PRCP: variants seen among roughly 807,000 people sequenced by gnomAD.
PRCP encodes the protein prolylcarboxypeptidase, also known as lysosomal Pro-X carboxypeptidase.
Under a neutral mutation model 54.2 loss-of-function variants are expected in PRCP, and 46 were observed. The ratio of observed to expected loss-of-function variants is 0.85; its 90% CI spans 0.67 to 1.09. The LOEUF (loss-of-function observed/expected upper bound fraction) is 1.09. Among genes scored for constraint, PRCP ranks in the 50% least tolerant of loss-of-function variants. The probability of loss-of-function intolerance (pLI) is 0.00; values close to 1 mark genes in which losing one functional copy is unlikely to be tolerated. For missense variants in PRCP, 613 were observed against 596.8 expected (o/e 1.03, Z -0.28); for synonymous variants, 240 against 212.2 (o/e 1.13, Z -1.14).
At chr11:82,838,661 G>T in intron 7 of PRCP, 87 bp from the exon 8 acceptor site, 1 of 1,351,458 alleles carries the variant, frequency 7.4e-7, no homozygotes, top group Non-Finnish European at 1.0e-6. Flanking sequence ...ATGCTGGTAA[G>T]TAGTGAAGGC....
At chr11:82,856,006 T>C (rs1021792681) in intron 2 of PRCP, among the ~76,000 whole-genome samples, 3 of 152,108 alleles carry the variant, frequency 2.0e-5, no homozygotes, top group South Asian at 2.1e-4. Flanking sequence ...CTACTGGGTA[T>C]ATACCTAAAG....
intron 1 of PRCP, among the ~76,000 whole-genome samples, chr11:82,863,357 A>T (rs1859253011): frequency 6.6e-6 from 1 of 152,166 alleles, no homozygotes; most frequent in Non-Finnish European, 1.5e-5. Context: ...CACTGAACAT[A>T]CCCCCAAATA....
At chr11:82,834,096 T>C (rs904603818) in intron 8 of PRCP, among the ~76,000 whole-genome samples, 3 of 152,180 alleles carry the variant, frequency 2.0e-5, no homozygotes, top group Non-Finnish European at 2.9e-5. Context: ...CCTCCAGCCA[T>C]GTAAGGGTGC....
intron 1 of PRCP, among the ~76,000 whole-genome samples, chr11:82,895,140 T>C (rs193098152): frequency 6.6e-6 from 1 of 152,342 alleles, no homozygotes; most frequent in Non-Finnish European, 1.5e-5. Flanking sequence ...TGTTATGCAC[T>C]GTGCTAAATA....
At chr11:82,865,895 G>C (rs1171330576) in intron 1 of PRCP, among the ~76,000 whole-genome samples, 1 of 152,136 alleles carries the variant, frequency 6.6e-6, no homozygotes, top group Non-Finnish European at 1.5e-5. Flanking sequence ...CCCAAAGAAG[G>C]ACTAAAACAT....
intron 8 of PRCP, chr11:82,836,548 T>G (rs1037595054): frequency 6.5e-6 from 1 of 152,910 alleles, no homozygotes; most frequent in Non-Finnish European, 1.5e-5. Context: ...TTTGGGGAGT[T>G]TTTGTTTGTT....
chr11:82,836,432 A>C (rs1310166753), intron 8 of PRCP: 1 of 153,576 alleles, frequency 6.5e-6, no homozygotes, highest in East Asian at 1.9e-4. Context: ...GTAGGAACCA[A>C]GAAAACTCCT....
At chr11:82,865,903 C>T (rs188444947) in intron 1 of PRCP, among the ~76,000 whole-genome samples, 318 of 152,152 alleles carry the variant, frequency 2.1e-3, no homozygotes, top group African/African-American at 7.3e-3. Context: ...AGGACTAAAA[C>T]ATGGAAGGAA....
At chr11:82,884,759 C>T in intron 1 of PRCP, 2 of 1,603,784 alleles carry the variant, frequency 1.2e-6, no homozygotes, top group South Asian at 2.2e-5. Flanking sequence ...TTATTAGCTA[C>T]TTAACCAAGT....
intron 6 of PRCP, among the ~76,000 whole-genome samples, chr11:82,843,995 A>G (rs1329377184): frequency 6.6e-6 from 1 of 151,832 alleles, no homozygotes; most frequent in African/African-American, 2.4e-5. Flanking sequence ...GTGGGAAAAA[A>G]AAAAAAAAAA....
chr11:82,834,348 C>T (rs1858465666), intron 8 of PRCP, among the ~76,000 whole-genome samples: 1 of 152,304 alleles, frequency 6.6e-6, no homozygotes, highest in Non-Finnish European at 1.5e-5. Context: ...ATTTCAAATA[C>T]CATAAATTTG....
chr11:82,853,139 GA>G (rs1858997650), intron 3 of PRCP, 37 bp downstream of exon 3: 1 of 1,471,496 alleles, frequency 6.8e-7, no homozygotes, highest in Non-Finnish European at 9.3e-7. Flanking sequence ...AAATTGAAAA[GA>G]AAAAGCTTGT....
chr11:82,873,241 C>T (rs1203345866), intron 1 of PRCP, among the ~76,000 whole-genome samples: 1 of 151,868 alleles, frequency 6.6e-6, no homozygotes, highest in African/African-American at 2.4e-5. Flanking sequence ...CATAATACAC[C>T]CCAGAAAGAT....
chr11:82,897,995 A>T (rs1860156853), intron 1 of PRCP, among the ~76,000 whole-genome samples: 2 of 152,384 alleles, frequency 1.3e-5, no homozygotes, highest in Admixed American at 1.3e-4. Flanking sequence ...TATTACTAGA[A>T]GGCATCAAAG....
At chr11:82,882,514 G>C (rs1404333802) in intron 1 of PRCP, among the ~76,000 whole-genome samples, 1 of 54,768 alleles carries the variant, frequency 1.8e-5, no homozygotes, top group East Asian at 4.8e-4. Context: ...TTTTTTTTTT[G>C]AGACGGAGTC....
intron 1 of PRCP, among the ~76,000 whole-genome samples, chr11:82,866,938 T>C (rs1408418464): frequency 6.6e-6 from 1 of 152,034 alleles, no homozygotes; most frequent in Non-Finnish European, 1.5e-5. Context: ...GCCAGGCTGG[T>C]CTCAAACTCC....
At chr11:82,884,637 G>T (rs953841111) in intron 1 of PRCP, among the ~76,000 whole-genome samples, 19 of 152,016 alleles carry the variant, frequency 1.2e-4, no homozygotes, top group African/African-American at 4.6e-4. Context: ...CTGTACCAAG[G>T]CACCTTTTAA....
At chr11:82,833,248 C>T (rs1858432126) in intron 8 of PRCP, among the ~76,000 whole-genome samples, 1 of 152,174 alleles carries the variant, frequency 6.6e-6, no homozygotes, top group Non-Finnish European at 1.5e-5. Flanking sequence ...AAACAGGTAA[C>T]TACCACATGG....
intron 1 of PRCP, among the ~76,000 whole-genome samples, chr11:82,881,914 C>G (rs1161920306): frequency 6.6e-6 from 1 of 152,144 alleles, no homozygotes; most frequent in East Asian, 1.9e-4. Context: ...ATAGAACATA[C>G]TATTGACCAG....
Sources: gnomAD v4.1 joint callset for allele counts (sites outside exome capture counted in the v4.1 genomes callset) on GRCh38, gnomAD v4.1.1 for gene constraint, MANE v1.5 for transcripts, NCBI Gene and HGNC (gene_info 2026-07-23, HGNC 2026-07-21) for gene names.